GRIK3: variants seen among roughly 807,000 people sequenced by gnomAD.
GRIK3 encodes the protein glutamate ionotropic receptor kainate type subunit 3.
In GRIK3, 29 loss-of-function variants were observed where a neutral mutation model predicts 102.5. That is an observed-to-expected ratio of 0.28 (90% CI 0.21 to 0.39). The LOEUF (loss-of-function observed/expected upper bound fraction) is 0.39, where lower values mean the gene tolerates loss of function less well. Among genes scored for constraint, GRIK3 ranks in the 10% least tolerant of loss-of-function variants. The pLI, the probability that GRIK3 is intolerant of heterozygous loss-of-function variation, is 1.00. For synonymous variants in GRIK3, 511 were observed against 504.9 expected, an observed-to-expected ratio of 1.01 and a Z score of -0.16; for missense variants, 908 against 1,252.4, an observed-to-expected ratio of 0.73 and a Z score of 4.15.
intron 11 of GRIK3, among the ~76,000 whole-genome samples, chr1:36,825,354 C>A (rs756926052): frequency 1.2e-4 from 18 of 152,260 alleles, no homozygotes; most frequent in South Asian, 6.2e-4. Flanking sequence ...GCAACTGCTT[C>A]ATCTCAGAGT....
At chr1:37,012,291 G>A (rs765917365) in intron 1 of GRIK3, among the ~76,000 whole-genome samples, 5 of 152,230 alleles carry the variant, frequency 3.3e-5, no homozygotes, top group South Asian at 2.1e-4. Context: ...GCTGGATTGC[G>A]ACAAGCAGGG....
intron 1 of GRIK3, among the ~76,000 whole-genome samples, chr1:37,026,155 A>G (rs1642763047): frequency 6.6e-6 from 1 of 152,208 alleles, no homozygotes; most frequent in Admixed American, 6.5e-5. Flanking sequence ...TCCCATAACC[A>G]GGGTCTTCCC....
intron 3 of GRIK3, among the ~76,000 whole-genome samples, chr1:36,878,359 G>A (rs1185164343): frequency 6.6e-6 from 1 of 152,238 alleles, no homozygotes; most frequent in East Asian, 1.9e-4. Context: ...CTTCTGTCGG[G>A]TGCTTTGGAA....
chr1:36,804,689 T>C, intron 15 of GRIK3: 1 of 509,556 alleles, frequency 2.0e-6, no homozygotes, highest in Non-Finnish European at 3.4e-6. Flanking sequence ...AGGTACCAGT[T>C]GCTGTGTGAA....
rs1185195079 is a variant in GRIK3, at chr1:36,959,085, CCTGTGAGT to C, written c.116-67997_116-67990del. Among the ~76,000 whole-genome samples, 6 of 116,242 alleles carry C rather than the reference CCTGTGAGT, an allele frequency of 5.2e-5. 1 individual carries two copies. The highest frequency in any genetic ancestry group is 3.9e-4 in the East Asian group (1 of 2,562). The allele number at this position is 116,242 out of a possible 152,430, so 76.3% of individuals were successfully genotyped here. ...GCCTGCACCCCATGAGCGTCTATGA[CCTGTGAGT>C]CTGTGAGTCTGTGCCCCATGACTCT... On this transcript the variant is annotated intron_variant, in intron 1 of 15. Transcript: ENST00000373091.
intron 1 of GRIK3, among the ~76,000 whole-genome samples, chr1:36,979,169 T>C (rs182475036): frequency 2.0e-5 from 3 of 152,370 alleles, no homozygotes; most frequent in Admixed American, 2.0e-4. Flanking sequence ...TCCAATTTAA[T>C]AGACCAGTCA....
intron 1 of GRIK3, among the ~76,000 whole-genome samples, chr1:36,913,713 C>G (rs1378145915): frequency 6.6e-6 from 1 of 152,170 alleles, no homozygotes. Context: ...CACCCCCAAT[C>G]ACAGCAGGGC....
chr1:36,966,890 T>C (rs148635187), intron 1 of GRIK3, among the ~76,000 whole-genome samples: 82 of 152,244 alleles, frequency 5.4e-4, no homozygotes, highest in African/African-American at 1.8e-3. Context: ...ACCAAGTATA[T>C]AATAAGACCC....
chr1:36,967,042 T>C (rs1642087116), intron 1 of GRIK3, among the ~76,000 whole-genome samples: 1 of 152,220 alleles, frequency 6.6e-6, no homozygotes, highest in Non-Finnish European at 1.5e-5. Context: ...TATTACTAAG[T>C]ATCAGGTCTT....
At chr1:36,820,130 C>T (rs1405187743) in intron 11 of GRIK3, among the ~76,000 whole-genome samples, 1 of 152,152 alleles carries the variant, frequency 6.6e-6, no homozygotes, top group Non-Finnish European at 1.5e-5. Flanking sequence ...AGAAAAAGCA[C>T]TCTTACGGGA....
chr1:36,816,046 G>T (rs1388406139), intron 13 of GRIK3, among the ~76,000 whole-genome samples: 1 of 152,154 alleles, frequency 6.6e-6, no homozygotes, highest in Non-Finnish European at 1.5e-5. Context: ...ACCGTGCCTG[G>T]CCTGCAAGCT....
At chr1:36,807,025 A>G (rs1373688846) in intron 13 of GRIK3, among the ~76,000 whole-genome samples, 1 of 152,072 alleles carries the variant, frequency 6.6e-6, no homozygotes, top group Non-Finnish European at 1.5e-5. Flanking sequence ...CTACTTCATT[A>G]CTGTGAGGAA....
intron 1 of GRIK3, among the ~76,000 whole-genome samples, chr1:36,941,909 G>A (rs1394553264): frequency 6.6e-6 from 1 of 152,186 alleles, no homozygotes; most frequent in African/African-American, 2.4e-5. Flanking sequence ...TGGAGACTAG[G>A]TAGCCTATCC....
At chr1:36,805,353 GGGGGTCCCTATCCCT>G in intron 14 of GRIK3, 116 bp from the exon 15 acceptor site, 1 of 1,055,030 alleles carries the variant, frequency 9.5e-7, no homozygotes, top group Non-Finnish European at 1.4e-6. Context: ...GCTCATGAAA[GGGGGTCCCTATCCCT>G]GTGAGTCCCC....
chr1:37,008,918 A>G (rs1642559742), intron 1 of GRIK3, among the ~76,000 whole-genome samples: 1 of 152,174 alleles, frequency 6.6e-6, no homozygotes, highest in African/African-American at 2.4e-5. Context: ...TTTTCTTGCT[A>G]AAAAGGAAGA....
At chr1:36,988,950 C>T (rs549577539) in intron 1 of GRIK3, among the ~76,000 whole-genome samples, 15 of 152,134 alleles carry the variant, frequency 9.9e-5, no homozygotes, top group African/African-American at 1.7e-4. Context: ...CGTACAGGCC[C>T]GAGCTGGTGG....
rs200574973 is a variant in GRIK3 at position 36,859,898 on chromosome 1, C to A, written c.906G>T (p.Glu302Asp). Residue 302 changes from glutamate (E) to aspartate (D), a missense_variant, in exon 6 of 16, where the codon GAG becomes GAT. Glu to Asp is a conservative substitution (Grantham distance 45). Around this residue, in one of 3 missense-constraint regions of GRIK3, gnomAD observed 585 missense variants for 824.9 expected, o/e 0.71. Transcript: ENST00000373091. ...VSAIVEKWSM[E>D]RLQAAPRSES... ...CGGACCGGGGAGCTGCCTGCAGCCG[C>A]TCCATGGACCACTTCTCCACAATGG... 1.2e-5 allele frequency: 19 copies of A among 1,614,108 alleles called. No individual in the cohort carries two copies. In the Admixed American group the frequency reaches 3.2e-4, roughly 27 times the overall value.
chr1:36,852,679 G>A (rs1640598860), intron 8 of GRIK3, among the ~76,000 whole-genome samples: 1 of 152,176 alleles, frequency 6.6e-6, no homozygotes, highest in Non-Finnish European at 1.5e-5. Flanking sequence ...GGGTGGAGAG[G>A]ACCGAAATCA....
chr1:36,953,126 T>A (rs1018866772), intron 1 of GRIK3, among the ~76,000 whole-genome samples: 1 of 152,198 alleles, frequency 6.6e-6, no homozygotes, highest in Non-Finnish European at 1.5e-5. Flanking sequence ...GCTCCATGTC[T>A]GTGCAGACAC....
Sources: allele counts gnomAD v4.1 joint callset (sites outside exome capture counted in the v4.1 genomes callset), GRCh38; gene constraint gnomAD v4.1.1; regional missense constraint gnomAD v4.1.1; transcripts MANE v1.5; gene names NCBI Gene and HGNC (gene_info 2026-07-23, HGNC 2026-07-21).